Variants in MYO18A observed in about 807,000 individuals in gnomAD.
MYO18A encodes myosin XVIIIA, also known as unconventional myosin-XVIIIa.
A neutral mutation model predicts 235.8 loss-of-function variants in MYO18A; 78 were observed. The observed-to-expected ratio is 0.33, with a 90% CI of 0.28 to 0.40. MYO18A has a LOEUF of 0.40. Ranked by LOEUF, MYO18A falls within the 10% of genes least tolerant of loss-of-function variation. MYO18A has a pLI of 1.00. For synonymous variants in MYO18A, 977 were observed against 1,077.8 expected, an observed-to-expected ratio of 0.91 and a Z score of 1.83; for missense variants, 2,215 against 2,699.3, an observed-to-expected ratio of 0.82 and a Z score of 3.98.
chr17:29,110,583 A>G lies in MYO18A; in HGVS notation c.2940T>C (p.Ser980=), dbSNP rs762762386. The part of the protein sequence containing the change: ...ISNLFLGRAG[S]ATVLSGSIAG... ...CGATGGAGCCAGAGAGCACCGTGGC[A>G]CTGCCTGCGCGGCCCAGAAACAGGT... The change falls in exon 18 of 42, where the codon AGT becomes AGC. Residue 980 remains serine, a synonymous_variant. Transcript: ENST00000527372. 1.2e-6 allele frequency: 2 copies of G among 1,611,996 alleles called. No homozygotes were observed. Among genetic ancestry groups the G allele is most frequent in the Non-Finnish European group, 1.7e-6 (2 of 1,178,748 alleles).
intron 21 of MYO18A, among the ~76,000 whole-genome samples, chr17:29,100,079 CA>C (rs2066617572): frequency 6.6e-6 from 1 of 152,186 alleles, no homozygotes; most frequent in African/African-American, 2.4e-5. Flanking sequence ...AGTCATTGGT[CA>C]AACAGGGAGG....
In MYO18A at chr17:29,072,651, G is replaced by A. The variant is rs2152702212; in HGVS notation, c.*2119C>T. 3 of 152,312 alleles carry A rather than the reference G, an allele frequency of 2.0e-5. No individual in the cohort carries two copies. In the South Asian group the frequency reaches 6.2e-4, roughly 32 times the overall value. 9.4% of individuals were successfully genotyped at this position (152,312 alleles called of 1,614,324 possible). On this transcript the variant is annotated 3_prime_UTR_variant, in exon 42 of 42. Transcript: ENST00000527372. ...CTTCACACTCTGTCCCATTCATTTTGGGGGAGACTTTTCTCCCTTCTTCCC... is the reference window on the plus strand; with the variant it reads ...CTTCACACTCTGTCCCATTCATTTTAGGGGAGACTTTTCTCCCTTCTTCCC...
intron 2 of MYO18A, among the ~76,000 whole-genome samples, chr17:29,134,601 C>T (rs2067551845): frequency 6.6e-6 from 1 of 152,150 alleles, no homozygotes; most frequent in African/African-American, 2.4e-5. Flanking sequence ...CGGCTCACTG[C>T]AACCTCCACC....
chr17:29,123,294 C>T (rs774903147), intron 2 of MYO18A, among the ~76,000 whole-genome samples: 20 of 151,994 alleles, frequency 1.3e-4, no homozygotes, highest in Non-Finnish European at 2.4e-4. Flanking sequence ...TCCCGTGCCC[C>T]GGGTGGGGGA....
chr17:29,140,312 CG>C lies in MYO18A; in HGVS notation c.1000-18060del. On this transcript the variant is annotated intron_variant, in intron 2 of 41. Coordinates refer to ENST00000527372, the MANE Select transcript of MYO18A (RefSeq NM_078471.4). This position sits in a 1 kb window ranked among gnomAD's most constrained non-coding sequence, Gnocchi z 4.2. ...TAGCATGAGGAGCCTGGGACATTTC[CG>C]GGGTGGGGGGTCAGAGGGACACTCA... 8.2e-7 allele frequency: 1 copy of C among 1,225,748 alleles called. No individual in the cohort carries two copies. Among genetic ancestry groups the C allele is most frequent in the Non-Finnish European group, 1.0e-6 (1 of 957,060 alleles). 75.9% of individuals were successfully genotyped at this position (1,225,748 alleles called of 1,614,324 possible). A position where few individuals can be genotyped will look rare whatever the true frequency, so the allele number is the denominator to read the frequency against.
chr17:29,080,324 T>C, intron 41 of MYO18A: 1 of 986,152 alleles, frequency 1.0e-6, no homozygotes, highest in Non-Finnish European at 1.2e-6. Flanking sequence ...ACGCTGGAGC[T>C]GGGAGGCTCA....
At position 29,114,040 on chromosome 17, in the gene MYO18A, C is replaced by T. The variant is rs754108302; in HGVS notation, c.2569G>A (p.Ala857Thr). The T allele has an allele frequency of 1.2e-6, 2 of 1,602,788 alleles. No homozygotes were observed. The highest frequency in any genetic ancestry group is 1.7e-6 in the Non-Finnish European group (2 of 1,174,966). Reference sequence around the variant, plus strand: ...GACTGATGGGAGGCCTGGTCCACAGCAGCCACAGAGTCATCCGTCGGGGGT... The same window carrying T: ...GACTGATGGGAGGCCTGGTCCACAGTAGCCACAGAGTCATCCGTCGGGGGT... ...LEPPTDDSVA[A>T]VDQASHQSLV... is the part of the protein sequence containing the mutation. The change falls in exon 15 of 42, where the codon GCT becomes ACT. Residue 857 changes from alanine to threonine, a missense_variant. Transcript: ENST00000527372.
At chr17:29,098,053 C>T (rs1019541580) in intron 25 of MYO18A, 52 bp downstream of exon 25, 8 of 1,603,976 alleles carry the variant, frequency 5.0e-6, no homozygotes, top group Non-Finnish European at 6.8e-6. Flanking sequence ...CCAATGGGCA[C>T]TAGGGTATGG....
At chr17:29,096,097 A>G (rs869717) in intron 28 of MYO18A, among the ~76,000 whole-genome samples, 20,697 of 152,100 alleles carry the variant, frequency 0.14, 1,702 homozygotes, top group East Asian at 0.29. Flanking sequence ...TGCCATCCTC[A>G]CTCCCAGTGT....
chr17:29,133,274 G>A (rs557682328), intron 2 of MYO18A, among the ~76,000 whole-genome samples: 51 of 152,346 alleles, frequency 3.3e-4, no homozygotes, highest in African/African-American at 1.2e-3. Flanking sequence ...TCTGGCTGTT[G>A]TAGGTCACTG....
chr17:29,136,235 G>GAAAAAAAAAAAA (rs1181249964), intron 2 of MYO18A, among the ~76,000 whole-genome samples: 1 of 105,312 alleles, frequency 9.5e-6, no homozygotes, highest in Non-Finnish European at 1.8e-5. Flanking sequence ...CATCTCAAAA[G>GAAAAAAAAAAAA]AAAAAAAAAA....
At chr17:29,081,892 A>C (rs1336165053) in intron 41 of MYO18A, among the ~76,000 whole-genome samples, 1 of 152,186 alleles carries the variant, frequency 6.6e-6, no homozygotes, top group African/African-American at 2.4e-5. Flanking sequence ...AACTGGGTCA[A>C]GAATCAGTGG....
chr17:29,074,758 C>G lies in MYO18A; in HGVS notation c.*12G>C. The G allele has an allele frequency of 6.2e-7, 1 of 1,613,532 alleles. No homozygotes were observed. Among genetic ancestry groups the G allele is most frequent in the South Asian group, 1.1e-5 (1 of 91,066 alleles). On this transcript the variant is annotated 3_prime_UTR_variant, in exon 42 of 42. Coordinates refer to ENST00000527372, the MANE Select transcript of MYO18A (RefSeq NM_078471.4). This position sits in a 1 kb window ranked among gnomAD's most constrained non-coding sequence, Gnocchi z 4.4. ...GCCCTGGGGTGAGAGGGCTGCCAAC[C>G]ACTCCCCTGGGCTATGCGTTAGTCT...
intron 2 of MYO18A, among the ~76,000 whole-genome samples, chr17:29,143,097 C>T (rs921358258): frequency 6.6e-6 from 1 of 152,218 alleles, no homozygotes; most frequent in Non-Finnish European, 1.5e-5. Context: ...CGTGAGTCAC[C>T]ATGCCCAGCC....
intron 41 of MYO18A, chr17:29,076,255 T>C (rs2065973404): frequency 1.3e-5 from 2 of 150,774 alleles, no homozygotes; most frequent in South Asian, 2.1e-4. Context: ...ACAGCCAGTA[T>C]GTAAACTTGA....
At position 29,180,124 on chromosome 17, in the gene MYO18A, C is replaced by A. The variant is rs1007017334; in HGVS notation, c.-82+189G>T. ...CCGATCGGCCCCCACCCCCGGGCGT[C>A]GAGCTCCACGGCGCCGCCAGGGACG... On this transcript the variant is annotated intron_variant, in intron 1 of 41. Coordinates refer to ENST00000527372, the MANE Select transcript of MYO18A (RefSeq NM_078471.4). The surrounding 1 kb of genome is among the most constrained non-coding windows in gnomAD (Gnocchi z 6.1). Among the ~76,000 whole-genome samples, 3 of 151,984 alleles carry A rather than the reference C, an allele frequency of 2.0e-5. No individual in the cohort carries two copies. Among genetic ancestry groups the A allele is most frequent in the Middle Eastern group, 3.2e-3 (1 of 316 alleles).
chr17:29,163,079 A>ATGGATGGCCTGATGGC (rs1197056139), intron 2 of MYO18A, among the ~76,000 whole-genome samples: 1 of 152,228 alleles, frequency 6.6e-6, no homozygotes, highest in Non-Finnish European at 1.5e-5. Flanking sequence ...GACACAGTTG[A>ATGGATGGCCTGATGGC]TGGATGGCCT....
At chr17:29,083,440 T>A (rs2066166716) in intron 40 of MYO18A, among the ~76,000 whole-genome samples, 1 of 151,760 alleles carries the variant, frequency 6.6e-6, no homozygotes, top group South Asian at 2.1e-4. Context: ...CTCCTCGATA[T>A]AAATTTCCTT....
chr17:29,084,177 C>A (rs991821375), intron 40 of MYO18A, among the ~76,000 whole-genome samples: 4 of 152,158 alleles, frequency 2.6e-5, no homozygotes, highest in Non-Finnish European at 4.4e-5. Flanking sequence ...TGAGCACACA[C>A]CAGTGTGTGT....
Sources: allele counts gnomAD v4.1 joint callset (sites outside exome capture counted in the v4.1 genomes callset), GRCh38; gene constraint gnomAD v4.1.1; non-coding constraint Gnocchi (gnomAD v3.1); transcripts MANE v1.5; gene names NCBI Gene and HGNC (gene_info 2026-07-23, HGNC 2026-07-21).